The following TMA7 variants were observed in gnomAD, a reference collection of about 807,000 sequenced individuals.
TMA7 encodes the protein translation machinery associated 7 homolog, also known as translation machinery-associated protein 7.
In TMA7, 5 loss-of-function variants were observed where a neutral mutation model predicts 12.5. The ratio of observed to expected loss-of-function variants is 0.40; its 90% CI spans 0.21 to 0.84. TMA7 has a LOEUF of 0.84. Ranked by LOEUF, TMA7 falls within the 40% of genes least tolerant of loss-of-function variation. The pLI is 0.36. For synonymous variants in TMA7, 36 were observed against 28.1 expected (o/e 1.28, Z -0.89); for missense variants, 71 against 75.4 (o/e 0.94, Z 0.22).
chr3:48,440,547 A>G lies in TMA7; in HGVS notation c.79A>G (p.Lys27Glu). The part of the protein sequence containing the change: ...KQAKEMDEED[K>E]AFKQKQKEEQ... ...ACGCTCTGCCTCTCCCCAGGAAGAT[A>G]AGGCTTTCAAGCAGAAACAAAAAGA... Residue 27 changes from lysine (K) to glutamate (E), a missense_variant, in exon 3 of 4, where the codon AAG (lysine) becomes GAG (glutamate). Coordinates refer to ENST00000438607, the MANE Select transcript of TMA7 (RefSeq NM_015933.6). 1.2e-6 allele frequency: 2 copies of G among 1,611,566 alleles called. No individual in the cohort carries two copies. Among genetic ancestry groups the G allele is most frequent in the African/African-American group, 1.3e-5 (1 of 74,976 alleles).
intron 3 of TMA7, among the ~76,000 whole-genome samples, chr3:48,442,077 G>A (rs1304657840): frequency 6.6e-6 from 1 of 152,050 alleles, no homozygotes; most frequent in Non-Finnish European, 1.5e-5. Flanking sequence ...TTTAAAATTA[G>A]CTGGGCGTGG....
intron 3 of TMA7, among the ~76,000 whole-genome samples, chr3:48,443,338 A>G (rs1038018190): frequency 6.6e-6 from 1 of 151,096 alleles, no homozygotes; most frequent in African/African-American, 2.4e-5. Flanking sequence ...ACCTGAGGTC[A>G]GGAGTTCGAG....
chr3:48,443,667 A>G (rs1357944224), intron 3 of TMA7, among the ~76,000 whole-genome samples, 181 bp from the exon 4 acceptor site: 1 of 152,044 alleles, frequency 6.6e-6, no homozygotes, highest in Non-Finnish European at 1.5e-5. Flanking sequence ...CTTGTACTCC[A>G]TCTCATCCTC....
At chr3:48,442,328 C>T (rs983885674) in intron 3 of TMA7, among the ~76,000 whole-genome samples, 1 of 150,962 alleles carries the variant, frequency 6.6e-6, no homozygotes. Context: ...GGGGAAAGAA[C>T]AGTCTTTAGT....
intron 1 of TMA7, 38 bp downstream of exon 1, chr3:48,440,350 G>A: frequency 1.2e-6 from 2 of 1,611,934 alleles, no homozygotes; most frequent in Non-Finnish European, 1.7e-6. Flanking sequence ...CGGGGACGGC[G>A]GGGTGGGGAC....
At chr3:48,440,485 G>A in intron 2 of TMA7, 27 bp downstream of exon 2, 2 of 1,605,092 alleles carry the variant, frequency 1.2e-6, no homozygotes, top group Non-Finnish European at 8.5e-7. Context: ...AGGCACTGGC[G>A]GGTGCGGGGG....
At chr3:48,441,706 C>G (rs910906528) in intron 3 of TMA7, among the ~76,000 whole-genome samples, 2 of 152,154 alleles carry the variant, frequency 1.3e-5, no homozygotes, top group Admixed American at 6.5e-5. Context: ...CCCAGCAGTT[C>G]TAGTACTTTA....
chr3:48,441,851 C>A (rs2039577169), intron 3 of TMA7, among the ~76,000 whole-genome samples: 1 of 152,184 alleles, frequency 6.6e-6, no homozygotes, highest in African/African-American at 2.4e-5. Flanking sequence ...TCATCTAGGG[C>A]TTCCCAAGAC....
At chr3:48,441,315 A>G (rs1490537866) in intron 3 of TMA7, among the ~76,000 whole-genome samples, 1 of 151,892 alleles carries the variant, frequency 6.6e-6, no homozygotes, top group Admixed American at 6.6e-5. Context: ...AAGTGCTGGG[A>G]TTGCAGGCGT....
At chr3:48,440,784 C>T (rs1038775894) in intron 3 of TMA7, 156 bp downstream of exon 3, 2 of 698,050 alleles carry the variant, frequency 2.9e-6, no homozygotes, top group Admixed American at 2.8e-5. Context: ...CTAGGATTTG[C>T]AGCGGCAGTA....
chr3:48,442,204 T>C (rs2039586177), intron 3 of TMA7, among the ~76,000 whole-genome samples: 1 of 150,294 alleles, frequency 6.7e-6, no homozygotes, highest in African/African-American at 2.5e-5. Flanking sequence ...CAGGCTGTAG[T>C]GAGCTGGGAT....
intron 3 of TMA7, among the ~76,000 whole-genome samples, chr3:48,441,194 T>C (rs952052604): frequency 1.3e-5 from 2 of 152,138 alleles, no homozygotes; most frequent in East Asian, 1.9e-4. Context: ...TTTTTTTTTT[T>C]GAGACGGAGT....
chr3:48,440,470 C>CGCGGAGGCACTGGCGGGT lies in TMA7; in HGVS notation c.72+17_72+34dup, dbSNP rs774545989. 12 of 1,611,386 alleles carry CGCGGAGGCACTGGCGGGT rather than the reference C, an allele frequency of 7.4e-6. No homozygotes were observed. The highest frequency in any genetic ancestry group is 1.0e-5 in the Non-Finnish European group (12 of 1,179,444). Reference sequence around the variant, plus strand: ...AGGAGATGGACGAGGTGAGGGCGGGCGCGGAGGCACTGGCGGGTGCGGGGG... The same window carrying CGCGGAGGCACTGGCGGGT: ...AGGAGATGGACGAGGTGAGGGCGGGCGCGGAGGCACTGGCGGGTGCGGAGGCACTGGCGGGTGCGGGGG... On this transcript the variant is annotated intron_variant, in intron 2 of 3. Coordinates refer to ENST00000438607, the MANE Select transcript of TMA7 (RefSeq NM_015933.6).
In TMA7 at chr3:48,440,524, G is replaced by T. The variant is rs2039533474; in HGVS notation, c.73-17G>T. On this transcript the variant is annotated splice_polypyrimidine_tract_variant and intron_variant, in intron 2 of 3. Transcript: ENST00000438607. ...TGGGAGACAGGCCTGAGTTGAACACGCTCTGCCTCTCCCCAGGAAGATAAG... is the reference window on the plus strand; with the variant it reads ...TGGGAGACAGGCCTGAGTTGAACACTCTCTGCCTCTCCCCAGGAAGATAAG... 1.2e-6 allele frequency: 2 copies of T among 1,608,558 alleles called. No individual in the cohort carries two copies. Among genetic ancestry groups the T allele is most frequent in the East Asian group, 4.5e-5 (2 of 44,750 alleles).
Position 48,440,466 on chromosome 3 carries a change from C to T in TMA7, c.72+8C>T, listed in dbSNP as rs1430355848. On this transcript the variant is annotated splice_region_variant and intron_variant, in intron 2 of 3. Coordinates refer to ENST00000438607, the MANE Select transcript of TMA7 (RefSeq NM_015933.6). ...GCCAAGGAGATGGACGAGGTGAGGG[C>T]GGGCGCGGAGGCACTGGCGGGTGCG... 3 of 1,611,660 alleles carry T rather than the reference C, an allele frequency of 1.9e-6. No homozygotes were observed. The Admixed American group carries it at 5.0e-5, about 27-fold the overall frequency.
chr3:48,440,538 C>G lies in TMA7; in HGVS notation c.73-3C>G. ...GAGTTGAACACGCTCTGCCTCTCCC[C>G]AGGAAGATAAGGCTTTCAAGCAGAA... On this transcript the variant is annotated splice_region_variant and splice_polypyrimidine_tract_variant and intron_variant, in intron 2 of 3. Coordinates refer to ENST00000438607, the MANE Select transcript of TMA7 (RefSeq NM_015933.6). The G allele has an allele frequency of 6.2e-7, 1 of 1,610,860 alleles. No individual in the cohort carries two copies. Among genetic ancestry groups the G allele is most frequent in the South Asian group, 1.1e-5 (1 of 90,776 alleles).
At chr3:48,443,155 C>T (rs1294142186) in intron 3 of TMA7, among the ~76,000 whole-genome samples, 2 of 147,424 alleles carry the variant, frequency 1.4e-5, no homozygotes, top group East Asian at 4.1e-4. Context: ...CATGAAGAAT[C>T]ACTTGAACCT....
chr3:48,440,800 C>T, intron 3 of TMA7, 172 bp downstream of exon 3: 2 of 649,126 alleles, frequency 3.1e-6, no homozygotes, highest in Admixed American at 2.9e-5. Context: ...CAGTAAGGGC[C>T]GGGAGCTGGA....
intron 2 of TMA7, 29 bp downstream of exon 2, chr3:48,440,487 G>T (rs752281346): frequency 1.9e-6 from 3 of 1,604,642 alleles, no homozygotes; most frequent in Non-Finnish European, 2.5e-6. Context: ...GCACTGGCGG[G>T]TGCGGGGGCG....
Sources: gnomAD v4.1 joint callset for allele counts (sites outside exome capture counted in the v4.1 genomes callset) on GRCh38, gnomAD v4.1.1 for gene constraint, MANE v1.5 for transcripts, NCBI Gene and HGNC (gene_info 2026-07-23, HGNC 2026-07-21) for gene names.